Variants in CADM2 observed in about 807,000 individuals in gnomAD.
The protein encoded by CADM2 is cell adhesion molecule 2.
CADM2 carries 12 observed loss-of-function variants against 49.8 expected under a neutral mutation model. That is an observed-to-expected ratio of 0.24 (90% CI 0.15 to 0.39). The LOEUF (loss-of-function observed/expected upper bound fraction) is 0.39, where lower values mean the gene tolerates loss of function less well. Ranked by LOEUF, CADM2 falls within the 10% of genes least tolerant of loss-of-function variation. CADM2 has a pLI of 1.00. For synonymous variants in CADM2, 214 were observed against 175.4 expected (o/e 1.22, Z -1.74); for missense variants, 378 against 492.3 (o/e 0.77, Z 2.20).
intron 1 of CADM2, among the ~76,000 whole-genome samples, chr3:85,300,287 T>A (rs2044063833): frequency 6.6e-6 from 1 of 152,104 alleles, no homozygotes; most frequent in Admixed American, 6.6e-5. Context: ...AGAAAAAAAG[T>A]ACATTTGTGA....
At chr3:85,813,792 T>A (rs1233771251) in intron 3 of CADM2, among the ~76,000 whole-genome samples, 1 of 152,070 alleles carries the variant, frequency 6.6e-6, no homozygotes, top group Non-Finnish European at 1.5e-5. Flanking sequence ...TTATTAAATA[T>A]GGAATCGTTT....
intron 1 of CADM2, among the ~76,000 whole-genome samples, chr3:85,038,691 C>T (rs566448099): frequency 6.6e-6 from 1 of 152,202 alleles, no homozygotes; most frequent in African/African-American, 2.4e-5. Context: ...ACATTTTAAG[C>T]TGATTTTAGT....
chr3:85,077,740 A>G (rs2037002654), intron 1 of CADM2, among the ~76,000 whole-genome samples: 1 of 152,112 alleles, frequency 6.6e-6, no homozygotes, highest in Non-Finnish European at 1.5e-5. Flanking sequence ...TTCAATTTTG[A>G]CATAAAACTG....
chr3:85,301,438 C>A (rs747850827), intron 1 of CADM2, among the ~76,000 whole-genome samples: 2 of 151,972 alleles, frequency 1.3e-5, no homozygotes, highest in African/African-American at 2.4e-5. Flanking sequence ...TCAATATTTT[C>A]TTCTATAAAT....
At chr3:85,975,864 C>G (rs1238949238) in intron 8 of CADM2, among the ~76,000 whole-genome samples, 1 of 151,368 alleles carries the variant, frequency 6.6e-6, no homozygotes, top group Non-Finnish European at 1.5e-5. Flanking sequence ...ATAAATTATG[C>G]ATCACATGCC....
chr3:85,113,263 A>G (rs955013398), intron 1 of CADM2, among the ~76,000 whole-genome samples: 3 of 152,144 alleles, frequency 2.0e-5, no homozygotes, highest in Non-Finnish European at 4.4e-5. Context: ...TCTGCTGCCC[A>G]GTAATTTATA....
chr3:85,488,707 T>G (rs2107641824), intron 1 of CADM2, among the ~76,000 whole-genome samples: 1 of 152,154 alleles, frequency 6.6e-6, no homozygotes, highest in Non-Finnish European at 1.5e-5. Flanking sequence ...AATTTTTGTA[T>G]TTTTAGTAGA....
intron 1 of CADM2, among the ~76,000 whole-genome samples, chr3:85,674,063 G>T (rs2065822803): frequency 6.6e-6 from 1 of 151,966 alleles, no homozygotes; most frequent in African/African-American, 2.4e-5. Flanking sequence ...ATGAACACTG[G>T]GTTAAGGTTG....
intron 3 of CADM2, among the ~76,000 whole-genome samples, chr3:85,844,782 C>T (rs1045815934): frequency 2.6e-5 from 4 of 151,958 alleles, no homozygotes; most frequent in South Asian, 2.1e-4. Context: ...ATATTGCATT[C>T]GGAGCAGTCA....
chr3:85,322,302 A>T (rs184595969), intron 1 of CADM2, among the ~76,000 whole-genome samples: 46 of 152,256 alleles, frequency 3.0e-4, no homozygotes, highest in Non-Finnish European at 3.7e-4. Flanking sequence ...TTTCCTCAAG[A>T]TGTCATTTTA....
At chr3:85,137,838 C>G (rs573028806) in intron 1 of CADM2, among the ~76,000 whole-genome samples, 23 of 151,930 alleles carry the variant, frequency 1.5e-4, no homozygotes, top group African/African-American at 5.1e-4. Flanking sequence ...TACACAATGA[C>G]AAAATAACGT....
chr3:86,068,121 T>C lies in CADM2; in HGVS notation c.*1338T>C, dbSNP rs1383975004. ...AAATGAACTAATTCTTTATATTAAA[T>C]TCCTGTCTATGCATTTTGTGAGGTA... On this transcript the variant is annotated 3_prime_UTR_variant, in exon 10 of 10. Transcript: ENST00000383699. 1 of 152,448 alleles carries C rather than the reference T, an allele frequency of 6.6e-6. No individual in the cohort carries two copies. The highest frequency in any genetic ancestry group is 2.1e-4 in the South Asian group (1 of 4,834). The allele number at this position is 152,448 out of a possible 1,614,324, so 9.4% of individuals were successfully genotyped here. A position where few individuals can be genotyped will look rare whatever the true frequency, so the allele number is the denominator to read the frequency against.
chr3:85,291,960 G>C (rs2043810680), intron 1 of CADM2, among the ~76,000 whole-genome samples: 1 of 151,928 alleles, frequency 6.6e-6, no homozygotes, highest in South Asian at 2.1e-4. Context: ...AATGTAAATG[G>C]ACTAAATTCT....
intron 8 of CADM2, among the ~76,000 whole-genome samples, chr3:85,972,860 T>C (rs1324742193): frequency 1.3e-5 from 2 of 151,752 alleles, no homozygotes; most frequent in Non-Finnish European, 1.5e-5. Context: ...CAAAATGTGG[T>C]GGCATTTTCT....
intron 1 of CADM2, among the ~76,000 whole-genome samples, chr3:85,204,375 A>C (rs1036339554): frequency 1.3e-5 from 2 of 152,098 alleles, no homozygotes; most frequent in African/African-American, 4.8e-5. Context: ...TACCCTTCAG[A>C]GTTTACACTC....
intron 1 of CADM2, among the ~76,000 whole-genome samples, chr3:85,633,290 T>G (rs1428364682): frequency 6.6e-6 from 1 of 152,116 alleles, no homozygotes; most frequent in East Asian, 1.9e-4. Context: ...ATTTATAACT[T>G]TAATGTTCTG....
intron 8 of CADM2, among the ~76,000 whole-genome samples, chr3:86,064,631 A>G (rs1337821443): frequency 5.9e-5 from 9 of 152,134 alleles, no homozygotes. Flanking sequence ...GAATTGCCAC[A>G]CTGTCTTCCA....
intron 6 of CADM2, among the ~76,000 whole-genome samples, chr3:85,928,319 C>G (rs1432981396): frequency 6.6e-6 from 1 of 152,006 alleles, no homozygotes; most frequent in Non-Finnish European, 1.5e-5. Flanking sequence ...CCATCATGCC[C>G]AGCTAATTTT....
chr3:85,300,791 A>G (rs2044078296), intron 1 of CADM2, among the ~76,000 whole-genome samples: 1 of 152,154 alleles, frequency 6.6e-6, no homozygotes, highest in Non-Finnish European at 1.5e-5. Flanking sequence ...GGCTGCTGCC[A>G]GAAATGTCGG....
Sources: gnomAD v4.1 joint callset for allele counts (sites outside exome capture counted in the v4.1 genomes callset) on GRCh38, gnomAD v4.1.1 for gene constraint, MANE v1.5 for transcripts, NCBI Gene and HGNC (gene_info 2026-07-23, HGNC 2026-07-21) for gene names.